THADA: variants seen among roughly 807,000 people sequenced by gnomAD.
The protein encoded by THADA is THADA armadillo repeat containing, also known as tRNA (32-2'-O)-methyltransferase regulator THADA.
Under a neutral mutation model 219.8 loss-of-function variants are expected in THADA, and 213 were observed. The ratio of observed to expected loss-of-function variants is 0.97; its 90% confidence interval spans 0.87 to 1.09. The LOEUF (loss-of-function observed/expected upper bound fraction) is 1.09. Among genes scored for constraint, THADA ranks in the 50% least tolerant of loss-of-function variants. THADA has a pLI of 0.00. For synonymous variants in THADA, 1,018 were observed against 828.9 expected (o/e 1.23, Z -3.92); for missense variants, 2,956 against 2,311.3 (o/e 1.28, Z -5.72).
intron 20 of THADA, among the ~76,000 whole-genome samples, chr2:43,547,123 A>G (rs1210068406): frequency 6.6e-6 from 1 of 151,064 alleles, no homozygotes; most frequent in African/African-American, 2.4e-5. Context: ...TTTCTCCTTC[A>G]CTTATGAAGC....
At chr2:43,290,436 C>T (rs1345665301) in intron 34 of THADA, among the ~76,000 whole-genome samples, 1 of 152,054 alleles carries the variant, frequency 6.6e-6, no homozygotes, top group Non-Finnish European at 1.5e-5. Flanking sequence ...GGAAATTGGA[C>T]CTGCTTGTTA....
At chr2:43,276,788 G>T (rs1165906236) in intron 36 of THADA, among the ~76,000 whole-genome samples, 1 of 152,156 alleles carries the variant, frequency 6.6e-6, no homozygotes, top group African/African-American at 2.4e-5. Flanking sequence ...GCCTCTGAGT[G>T]CCTTTCCCGA....
At chr2:43,337,062 A>T (rs1666541347) in intron 30 of THADA, among the ~76,000 whole-genome samples, 2 of 152,224 alleles carry the variant, frequency 1.3e-5, no homozygotes, top group South Asian at 4.1e-4. Flanking sequence ...AAATTATTTA[A>T]AAAAAGAAAT....
chr2:43,278,452 G>GC (rs1233444177), intron 36 of THADA, among the ~76,000 whole-genome samples: 1 of 152,112 alleles, frequency 6.6e-6, no homozygotes, highest in Non-Finnish European at 1.5e-5. Flanking sequence ...CACTTACTAG[G>GC]CTTTCTGTGT....
chr2:43,384,842 TAAAA>T (rs1558673602), intron 29 of THADA, among the ~76,000 whole-genome samples: 13 of 152,078 alleles, frequency 8.5e-5, no homozygotes. Flanking sequence ...TAAACAAACT[TAAAA>T]AACAATTTGG....
At chr2:43,246,363 T>C (rs924213182) in intron 36 of THADA, among the ~76,000 whole-genome samples, 1 of 151,900 alleles carries the variant, frequency 6.6e-6, no homozygotes, top group Admixed American at 6.6e-5. Context: ...GGCACGGTGG[T>C]GGGCGCCTGT....
Position 43,581,665 on chromosome 2 carries a change from T to C in THADA, c.721+76A>G, listed in dbSNP as rs531328770. The C allele has an allele frequency of 5.6e-5, 73 of 1,292,958 alleles. 2 individuals carry two copies. The South Asian group carries it at 9.4e-4, about 17-fold the overall frequency. 80.1% of individuals were successfully genotyped at this position (1,292,958 alleles called of 1,614,324 possible). A position where few individuals can be genotyped will look rare whatever the true frequency, so the allele number is the denominator to read the frequency against. On this transcript the variant is annotated intron_variant, in intron 8 of 37. Coordinates refer to ENST00000405975, the MANE Select transcript of THADA (RefSeq NM_022065.5). ...CAGTTAAGTATCACATTTCACACTA[T>C]TAGTAGGAAAAGCTGATTGACACTC...
At chr2:43,580,150 G>A (rs1171126548) in intron 8 of THADA, among the ~76,000 whole-genome samples, 2 of 149,926 alleles carry the variant, frequency 1.3e-5, no homozygotes, top group African/African-American at 2.5e-5. Context: ...TCAGCCTCCC[G>A]AGTAGCTGGA....
intron 26 of THADA, among the ~76,000 whole-genome samples, chr2:43,435,791 A>T (rs1230634444): frequency 6.6e-6 from 1 of 150,574 alleles, no homozygotes; most frequent in African/African-American, 2.4e-5. Context: ...CAAAAAAAAA[A>T]AAAAAAAAAG....
intron 31 of THADA, among the ~76,000 whole-genome samples, chr2:43,307,795 T>G (rs1677032760): frequency 6.6e-6 from 1 of 151,950 alleles, no homozygotes; most frequent in African/African-American, 2.4e-5. Flanking sequence ...TGGCATCTAA[T>G]AAAAAATTAT....
At chr2:43,506,172 C>T (rs976532309) in intron 23 of THADA, among the ~76,000 whole-genome samples, 18 of 152,180 alleles carry the variant, frequency 1.2e-4, no homozygotes, top group African/African-American at 4.1e-4. Flanking sequence ...TGTTAAGCCT[C>T]CCTGGAGATG....
At chr2:43,303,354 C>A (rs1450284167) in intron 31 of THADA, among the ~76,000 whole-genome samples, 2 of 152,198 alleles carry the variant, frequency 1.3e-5, no homozygotes, top group Non-Finnish European at 2.9e-5. Flanking sequence ...CACTCCCTAA[C>A]TAACCAAGGG....
intron 36 of THADA, among the ~76,000 whole-genome samples, chr2:43,250,426 G>A (rs1438311877): frequency 1.3e-5 from 2 of 150,926 alleles, no homozygotes; most frequent in African/African-American, 4.9e-5. Flanking sequence ...TGGGTACAGG[G>A]TTTTTAGGGA....
At chr2:43,265,678 C>A (rs191708100) in intron 36 of THADA, among the ~76,000 whole-genome samples, 2 of 152,272 alleles carry the variant, frequency 1.3e-5, no homozygotes, top group East Asian at 3.9e-4. Flanking sequence ...GCTGTACAAC[C>A]CCACTTCTTC....
Position 43,505,717 on chromosome 2 carries a change from G to A in THADA, c.3526C>T (p.Pro1176Ser), listed in dbSNP as rs774623519. The A allele has an allele frequency of 2.0e-5, 31 of 1,584,294 alleles. No homozygotes were observed. Among genetic ancestry groups the A allele is most frequent in the Non-Finnish European group, 2.3e-5 (27 of 1,163,258 alleles). ...AACAAATCCATTCTGCCTTTCTTTGGTTCAGATGCCAACAGTGCCTATGGA... is the reference window on the plus strand; with the variant it reads ...AACAAATCCATTCTGCCTTTCTTTGATTCAGATGCCAACAGTGCCTATGGA... The part of the protein sequence containing the change: ...FYIQALLASE[P>S]KKGRMDLLKI... The change falls in exon 24 of 38, where the codon CCA becomes TCA. Residue 1176 changes from proline to serine, a missense_variant. Physicochemically the swap from Pro to Ser is moderately conservative, Grantham distance 74. Transcript: ENST00000405975.
intron 29 of THADA, among the ~76,000 whole-genome samples, chr2:43,345,931 A>G (rs888867931): frequency 2.6e-5 from 4 of 152,236 alleles, no homozygotes; most frequent in African/African-American, 9.6e-5. Context: ...TGGCAAAAAC[A>G]AGACTGTTTT....
intron 30 of THADA, among the ~76,000 whole-genome samples, chr2:43,334,666 T>C (rs1253090840): frequency 6.6e-6 from 1 of 151,772 alleles, no homozygotes; most frequent in Non-Finnish European, 1.5e-5. Flanking sequence ...TCCCAGCTAC[T>C]CGGGAGGCTC....
intron 36 of THADA, among the ~76,000 whole-genome samples, chr2:43,250,837 A>G (rs1558468460): frequency 1.3e-5 from 2 of 152,256 alleles, no homozygotes; most frequent in East Asian, 1.9e-4. Flanking sequence ...GCGTTAAAGC[A>G]AAGGGAATGG....
At chr2:43,347,061 T>C (rs893177618) in intron 29 of THADA, among the ~76,000 whole-genome samples, 15 of 152,264 alleles carry the variant, frequency 9.9e-5, no homozygotes, top group African/African-American at 2.9e-4. Context: ...GTACTCCTCA[T>C]CCCAGTGGAT....
Sources: allele counts gnomAD v4.1 joint callset (sites outside exome capture counted in the v4.1 genomes callset), GRCh38; gene constraint gnomAD v4.1.1; transcripts MANE v1.5; gene names NCBI Gene and HGNC (gene_info 2026-07-23, HGNC 2026-07-21).